LIMS1: variants seen among roughly 807,000 people sequenced by gnomAD.
LIMS1 encodes the protein LIM zinc finger domain containing 1, also known as LIM and senescent cell antigen-like-containing domain protein 1.
LIMS1 carries 18 observed loss-of-function variants against 44.1 expected under a neutral mutation model. That is an observed-to-expected ratio of 0.41 (90% CI 0.28 to 0.61). The LOEUF (loss-of-function observed/expected upper bound fraction) is 0.61, where lower values mean the gene tolerates loss of function less well. Ranked by LOEUF, LIMS1 falls within the 20% of genes least tolerant of loss-of-function variation. The pLI is 0.32. For missense variants in LIMS1, 201 were observed against 422.0 expected (o/e 0.48, Z 4.59); for synonymous variants, 93 against 149.1 (o/e 0.62, Z 2.74).
At chr2:108,646,683 C>G (rs1430770423) in intron 1 of LIMS1, among the ~76,000 whole-genome samples, 7 of 152,116 alleles carry the variant, frequency 4.6e-5, no homozygotes, top group Non-Finnish European at 7.4e-5. Context: ...ATAAATGAAT[C>G]CAGGAGCTGG....
chr2:108,537,707 T>C (rs1288659087), intron 1 of LIMS1, among the ~76,000 whole-genome samples: 2 of 152,240 alleles, frequency 1.3e-5, no homozygotes, highest in East Asian at 3.8e-4. Flanking sequence ...TCCATCAGGA[T>C]TGTGCTGTCT....
intron 1 of LIMS1, among the ~76,000 whole-genome samples, chr2:108,601,624 C>T (rs1361483168): frequency 6.6e-6 from 1 of 152,028 alleles, no homozygotes; most frequent in Admixed American, 6.5e-5. Flanking sequence ...TGTTTGTGTC[C>T]ATGTTCAATT....
At chr2:108,557,558 C>T (rs907857975) in intron 1 of LIMS1, among the ~76,000 whole-genome samples, 2 of 151,638 alleles carry the variant, frequency 1.3e-5, no homozygotes, top group Non-Finnish European at 2.9e-5. Flanking sequence ...GCTCTGTTGC[C>T]CTGGCTAGAG....
exon 3 of LIMS1, chr2:108,670,822 C>A (rs770397459): frequency 4.3e-6 from 7 of 1,610,750 alleles, no homozygotes; most frequent in Non-Finnish European, 5.9e-6. Context: ...TTCAGATGCT[C>A]TTTGCCCCTT....
intron 1 of LIMS1, among the ~76,000 whole-genome samples, chr2:108,633,692 T>C (rs748906301): frequency 6.6e-6 from 1 of 152,250 alleles, no homozygotes; most frequent in Non-Finnish European, 1.5e-5. Context: ...AAAGACTTGG[T>C]TGGCCCAGAG....
Position 108,604,205 on chromosome 2 carries a change from C to A in LIMS1, c.33-55400C>A, listed in dbSNP as rs1056567213. 4.0e-5 allele frequency among the ~76,000 whole-genome samples: 6 copies of A among 151,748 alleles called. No homozygotes were observed. In the East Asian group the frequency reaches 5.8e-4, roughly 15 times the overall value. ...TCCTATTTTTTTTACAGCGTGTGAG[C>A]TAAGAATATTTTGACCTTTTTTAAT... On this transcript the variant is annotated intron_variant, in intron 1 of 9. Coordinates refer to ENST00000544547, the Ensembl canonical transcript of LIMS1.
chr2:108,599,539 C>T (rs944335138), intron 1 of LIMS1, among the ~76,000 whole-genome samples: 1 of 152,106 alleles, frequency 6.6e-6, no homozygotes, highest in Admixed American at 6.6e-5. Context: ...AGTTTATATC[C>T]CCAGCAGTGG....
chr2:108,672,167 A>C (rs1415935000), intron 3 of LIMS1, among the ~76,000 whole-genome samples, 158 bp from the exon 4 acceptor site: 239 of 1,870 alleles, frequency 0.13, 1 homozygote, highest in South Asian at 0.2. Flanking sequence ...AACTGTCTCA[A>C]AAAAAAAAAA....
intron 1 of LIMS1, among the ~76,000 whole-genome samples, chr2:108,612,006 A>C (rs1687665836): frequency 7.3e-6 from 1 of 137,084 alleles, no homozygotes; most frequent in African/African-American, 2.9e-5. Context: ...ATATATACAC[A>C]CATATATATA....
At chr2:108,587,860 G>A (rs1034317524) in intron 1 of LIMS1, among the ~76,000 whole-genome samples, 4 of 152,160 alleles carry the variant, frequency 2.6e-5, no homozygotes, top group South Asian at 4.1e-4. Flanking sequence ...AATAATTTCC[G>A]CTGCTGGGGC....
chr2:108,586,507 T>C (rs1406542281), intron 1 of LIMS1, among the ~76,000 whole-genome samples: 2 of 152,168 alleles, frequency 1.3e-5, no homozygotes, highest in African/African-American at 2.4e-5. Context: ...TAAAGTAATA[T>C]CTGCTGAGAG....
At chr2:108,648,175 A>C (rs1326419409) in intron 1 of LIMS1, among the ~76,000 whole-genome samples, 2 of 152,198 alleles carry the variant, frequency 1.3e-5, no homozygotes, top group Admixed American at 6.5e-5. Context: ...CCAATAACAG[A>C]CAAACGGAGA....
chr2:108,556,169 G>A (rs182665893), intron 1 of LIMS1, among the ~76,000 whole-genome samples: 1 of 152,114 alleles, frequency 6.6e-6, no homozygotes, highest in Admixed American at 6.6e-5. Flanking sequence ...CCTACTCTAG[G>A]TACGTCATAT....
intron 1 of LIMS1, among the ~76,000 whole-genome samples, chr2:108,627,086 A>G (rs1688619197): frequency 6.6e-6 from 1 of 152,218 alleles, no homozygotes; most frequent in Non-Finnish European, 1.5e-5. Context: ...TGCCTACAGT[A>G]TTCAATACAG....
chr2:108,673,846 C>G (rs1692312087), intron 5 of LIMS1: 1 of 152,188 alleles, frequency 6.6e-6, no homozygotes. Context: ...GGTCTTATCT[C>G]TGTACATGCA....
Position 108,542,374 on chromosome 2 carries a change from T to A in LIMS1, c.32+7780T>A, listed in dbSNP as rs189871855. Among the ~76,000 whole-genome samples, 22 of 152,310 alleles carry A rather than the reference T, an allele frequency of 1.4e-4. No individual in the cohort carries two copies. The East Asian group carries it at 4.2e-3, about 29-fold the overall frequency. ...ACCTTAAGGATATTGTTTTATATAA[T>A]CTTACCATCACAGCCACACCACGAA... is the stretch of plus-strand genomic sequence containing the variant. On this transcript the variant is annotated intron_variant, in intron 1 of 9. Transcript: ENST00000544547.
chr2:108,583,696 G>GTTT (rs1173307399), intron 1 of LIMS1, among the ~76,000 whole-genome samples: 1 of 90,740 alleles, frequency 1.1e-5, no homozygotes. Context: ...TGTTGTTGCT[G>GTTT]TTTCTTTTTT....
chr2:108,645,997 G>C (rs989881334), intron 1 of LIMS1, among the ~76,000 whole-genome samples: 1 of 152,038 alleles, frequency 6.6e-6, no homozygotes, highest in African/African-American at 2.4e-5. Flanking sequence ...GATTCATAAC[G>C]CATGTTCTTA....
At position 108,558,795 on chromosome 2, in the gene LIMS1, C is replaced by G. The variant is rs186173141; in HGVS notation, c.32+24201C>G. Among the ~76,000 whole-genome samples the G allele has an allele frequency of 8.6e-5, 13 of 151,754 alleles. No homozygotes were observed. In the East Asian group the frequency reaches 2.5e-3, roughly 30 times the overall value. On this transcript the variant is annotated intron_variant, in intron 1 of 9. Coordinates refer to ENST00000544547, the Ensembl canonical transcript of LIMS1. Reference sequence around the variant, plus strand: ...AAGCAATTCTCTTGCCTCAGCCTCTCGAGTAGCTGGGCCTACAGTTGTATG... The same window carrying G: ...AAGCAATTCTCTTGCCTCAGCCTCTGGAGTAGCTGGGCCTACAGTTGTATG...
Sources: allele counts gnomAD v4.1 joint callset (sites outside exome capture counted in the v4.1 genomes callset), GRCh38; gene constraint gnomAD v4.1.1; transcripts MANE v1.5; gene names NCBI Gene and HGNC (gene_info 2026-07-23, HGNC 2026-07-21).